The following DOCK10 variants were observed in gnomAD, a reference collection of about 807,000 sequenced individuals.
DOCK10 encodes the protein dedicator of cytokinesis 10, also known as dedicator of cytokinesis protein 10.
A neutral mutation model predicts 280.1 loss-of-function variants in DOCK10; 145 were observed. That is an observed-to-expected ratio of 0.52 (90% CI 0.45 to 0.59). The LOEUF is 0.59. DOCK10 is among the 20% of genes least tolerant of loss of function. The pLI is 0.00. For missense variants in DOCK10, 2,368 were observed against 2,651.7 expected (o/e 0.89, Z 2.35); for synonymous variants, 915 against 942.2 (o/e 0.97, Z 0.53).
At chr2:224,816,478 T>G in intron 30 of DOCK10, 139 bp downstream of exon 30, 1 of 628,276 alleles carries the variant, frequency 1.6e-6, no homozygotes. Context: ...TCTGATTACC[T>G]GGGTCTGATA....
In DOCK10 at chr2:224,830,620, G is replaced by C; in HGVS notation, c.2965-8C>G. 7.1e-7 allele frequency: 1 copy of C among 1,413,822 alleles called. No individual in the cohort carries two copies. The highest frequency in any genetic ancestry group is 9.5e-7 in the Non-Finnish European group (1 of 1,047,432). The allele number at this position is 1,413,822 out of a possible 1,614,324, so 87.6% of individuals were successfully genotyped here. A position where few individuals can be genotyped will look rare whatever the true frequency, so the allele number is the denominator to read the frequency against. On this transcript the variant is annotated splice_region_variant and splice_polypyrimidine_tract_variant and intron_variant, in intron 26 of 55. Transcript: ENST00000258390. The stretch of plus-strand genomic sequence containing the variant: ...AAAGAAGAACCAGGAATGCTGTTGG[G>C]AAAAAAAAGGCAACGAGACATTTAT...
intron 1 of DOCK10, among the ~76,000 whole-genome samples, chr2:224,966,861 GT>G (rs1461920945): frequency 2.0e-5 from 3 of 151,330 alleles, no homozygotes; most frequent in Admixed American, 6.6e-5. Flanking sequence ...TGGTAATAAA[GT>G]TAAATAGCTC....
intron 8 of DOCK10, 101 bp from the exon 9 acceptor site, chr2:224,874,852 A>C: frequency 9.7e-7 from 1 of 1,031,128 alleles, no homozygotes; most frequent in Non-Finnish European, 1.5e-6. Flanking sequence ...AAGAGCTAAG[A>C]GGGACGTTGG....
intron 23 of DOCK10, 104 bp from the exon 24 acceptor site, chr2:224,840,176 A>C (rs1300720199): frequency 8.5e-6 from 5 of 588,394 alleles, no homozygotes; most frequent in Non-Finnish European, 6.0e-6. Context: ...ATAAGGAGAA[A>C]AACTTCGTGA....
At position 224,927,971 on chromosome 2, in the gene DOCK10, TTGGGG is replaced by T. The variant is rs1159105773; in HGVS notation, c.243+3573_243+3577del. 2.0e-5 allele frequency among the ~76,000 whole-genome samples: 3 copies of T among 152,114 alleles called. No individual in the cohort carries two copies. The East Asian group carries it at 5.8e-4, about 29-fold the overall frequency. On this transcript the variant is annotated intron_variant, in intron 2 of 55. Coordinates refer to ENST00000258390, the MANE Select transcript of DOCK10 (RefSeq NM_014689.3). ...CCTTCCATCCCTCAATGCCTTGGGATTGGGGTGGTCATTCTATGACCACTTCACAT... is the reference window on the plus strand; with the variant it reads ...CCTTCCATCCCTCAATGCCTTGGGATTGGTCATTCTATGACCACTTCACAT...
In DOCK10 at chr2:224,814,160, C is replaced by T. The variant is rs556330699; in HGVS notation, c.3409+160G>A. Among the ~76,000 whole-genome samples the T allele has an allele frequency of 3.3e-5, 5 of 152,286 alleles. No homozygotes were observed. The South Asian group carries it at 8.3e-4, about 25-fold the overall frequency. ...TGAAATTAGGCAATCATTAAACTATCTGTGACAAGCAAACAATTCAGTCAA... is the reference window on the plus strand; with the variant it reads ...TGAAATTAGGCAATCATTAAACTATTTGTGACAAGCAAACAATTCAGTCAA... On this transcript the variant is annotated intron_variant, in intron 31 of 55. Transcript: ENST00000258390.
At chr2:224,940,596 G>A (rs1262675111) in intron 1 of DOCK10, among the ~76,000 whole-genome samples, 1 of 152,066 alleles carries the variant, frequency 6.6e-6, no homozygotes, top group African/African-American at 2.4e-5. Flanking sequence ...GAAAATGGGG[G>A]CTTAAGAACC....
intron 13 of DOCK10, among the ~76,000 whole-genome samples, chr2:224,864,167 T>C (rs1378936651): frequency 1.3e-5 from 2 of 152,192 alleles, no homozygotes; most frequent in Non-Finnish European, 1.5e-5. Flanking sequence ...TTTCAAGACA[T>C]ACAAATTTGA....
intron 1 of DOCK10, among the ~76,000 whole-genome samples, chr2:225,002,666 G>A (rs1034575909): frequency 2.6e-5 from 4 of 152,188 alleles, no homozygotes; most frequent in Non-Finnish European, 4.4e-5. Context: ...TGGGCAGGCA[G>A]GTGTAAACAT....
At chr2:224,952,600 T>A (rs1324028164) in intron 1 of DOCK10, among the ~76,000 whole-genome samples, 2 of 151,538 alleles carry the variant, frequency 1.3e-5, no homozygotes, top group Non-Finnish European at 2.9e-5. Context: ...TTATTTTTTT[T>A]TTTTTTTTTT....
chr2:225,039,488 G>A (rs984958104), intron 1 of DOCK10, among the ~76,000 whole-genome samples: 4 of 151,986 alleles, frequency 2.6e-5, no homozygotes, highest in South Asian at 2.1e-4. Context: ...AAGGTGGTTC[G>A]TGTCTAGGAG....
At chr2:224,944,941 C>G (rs1703310780) in intron 1 of DOCK10, among the ~76,000 whole-genome samples, 1 of 152,206 alleles carries the variant, frequency 6.6e-6, no homozygotes, top group African/African-American at 2.4e-5. Context: ...AATACCGCGT[C>G]CTTACTGGCC....
At chr2:224,831,814 G>A (rs1695259969) in intron 26 of DOCK10, among the ~76,000 whole-genome samples, 1 of 152,160 alleles carries the variant, frequency 6.6e-6, no homozygotes, top group Non-Finnish European at 1.5e-5. Context: ...CCTGTCCTCT[G>A]GAGGTCCTGG....
rs1694164654 is a variant in DOCK10 at position 224,816,859 on chromosome 2, A to C, written c.3268-146T>G. 4.7e-5 allele frequency: 27 copies of C among 578,490 alleles called. 1 individual carries two copies. The South Asian group carries it at 5.7e-4, about 12-fold the overall frequency. 35.8% of individuals were successfully genotyped at this position (578,490 alleles called of 1,614,324 possible). A position where few individuals can be genotyped will look rare whatever the true frequency, so the allele number is the denominator to read the frequency against. ...GTCGGACCACTAGGTAATTAAGTTGAAAGGATTTTGTCCCCTCCGAACTGC... is the reference window on the plus strand; with the variant it reads ...GTCGGACCACTAGGTAATTAAGTTGCAAGGATTTTGTCCCCTCCGAACTGC... On this transcript the variant is annotated intron_variant, in intron 29 of 55. Coordinates refer to ENST00000258390, the MANE Select transcript of DOCK10 (RefSeq NM_014689.3).
chr2:224,803,089 G>A (rs1195009295), intron 39 of DOCK10, among the ~76,000 whole-genome samples: 2 of 152,060 alleles, frequency 1.3e-5, no homozygotes, highest in Non-Finnish European at 2.9e-5. Flanking sequence ...CTGAACTTGT[G>A]GAGGAAAAGC....
chr2:224,883,756 G>A (rs1699108359), intron 7 of DOCK10, among the ~76,000 whole-genome samples: 1 of 152,166 alleles, frequency 6.6e-6, no homozygotes, highest in South Asian at 2.1e-4. Flanking sequence ...CTAAGTAAGA[G>A]ATGATGGAGA....
intron 3 of DOCK10, among the ~76,000 whole-genome samples, chr2:224,900,524 G>C (rs1467159476): frequency 6.6e-6 from 1 of 152,130 alleles, no homozygotes; most frequent in Non-Finnish European, 1.5e-5. Flanking sequence ...TTGTTTGATG[G>C]TTGCAAACCT....
At chr2:224,982,113 C>T in intron 1 of DOCK10, 1 of 987,466 alleles carries the variant, frequency 1.0e-6, no homozygotes, top group South Asian at 5.3e-5. Flanking sequence ...TCACACATGC[C>T]TTTATCTAAC....
chr2:224,978,216 C>T (rs1705545415), intron 1 of DOCK10, among the ~76,000 whole-genome samples: 1 of 152,198 alleles, frequency 6.6e-6, no homozygotes, highest in Admixed American at 6.5e-5. Context: ...GAGTGGAACA[C>T]GAGGTCAGGA....
Sources: gnomAD v4.1 joint callset for allele counts (sites outside exome capture counted in the v4.1 genomes callset) on GRCh38, gnomAD v4.1.1 for gene constraint, MANE v1.5 for transcripts, NCBI Gene and HGNC (gene_info 2026-07-23, HGNC 2026-07-21) for gene names.